PIK3AP1: variants seen among roughly 807,000 people sequenced by gnomAD.
PIK3AP1 encodes the protein phosphoinositide 3-kinase adapter protein 1.
Under a neutral mutation model 88.1 loss-of-function variants are expected in PIK3AP1, and 21 were observed. The observed-to-expected ratio is 0.24, with a 90% CI of 0.17 to 0.34. The LOEUF (loss-of-function observed/expected upper bound fraction) is 0.34, where lower values mean the gene tolerates loss of function less well. PIK3AP1 is among the 10% of genes least tolerant of loss of function. The pLI, the probability that PIK3AP1 is intolerant of heterozygous loss-of-function variation, is 1.00. For synonymous variants in PIK3AP1, 398 were observed against 400.0 expected (o/e 1.00, Z 0.06); for missense variants, 828 against 1,035.7 (o/e 0.80, Z 2.75).
intron 2 of PIK3AP1, among the ~76,000 whole-genome samples, chr10:96,680,839 C>T (rs745579187): frequency 6.6e-6 from 1 of 152,176 alleles, no homozygotes; most frequent in Non-Finnish European, 1.5e-5. Context: ...TGCTGTGCTG[C>T]ACTAGTTCAA....
chr10:96,632,052 A>G (rs1373580359), intron 8 of PIK3AP1, among the ~76,000 whole-genome samples: 1 of 152,202 alleles, frequency 6.6e-6, no homozygotes, highest in Non-Finnish European at 1.5e-5. Context: ...AAAACATCAG[A>G]CAAACTCAAA....
chr10:96,668,484 T>C (rs187619779), intron 2 of PIK3AP1, among the ~76,000 whole-genome samples: 1 of 152,336 alleles, frequency 6.6e-6, no homozygotes, highest in Admixed American at 6.5e-5. Context: ...CATGCTGGAT[T>C]CTTTCTCTAA....
chr10:96,694,109 C>T (rs529144776), intron 2 of PIK3AP1, among the ~76,000 whole-genome samples: 94 of 152,226 alleles, frequency 6.2e-4, no homozygotes, highest in African/African-American at 2.0e-3. Flanking sequence ...ATCAAAGAGG[C>T]CCCCATGATA....
intron 2 of PIK3AP1, among the ~76,000 whole-genome samples, chr10:96,684,785 C>T (rs1040590310): frequency 2.0e-5 from 3 of 152,216 alleles, no homozygotes; most frequent in Non-Finnish European, 4.4e-5. Context: ...TCACCAAGAA[C>T]CATCAGCAAT....
intron 16 of PIK3AP1, 34 bp downstream of exon 16, chr10:96,602,246 T>G (rs772428718): frequency 6.0e-6 from 9 of 1,512,478 alleles, no homozygotes; most frequent in Non-Finnish European, 8.2e-6. Context: ...GATTCAGAGA[T>G]AAGGGAAAAA....
chr10:96,655,673 G>A (rs902615300), intron 3 of PIK3AP1, among the ~76,000 whole-genome samples: 1 of 152,146 alleles, frequency 6.6e-6, no homozygotes, highest in Admixed American at 6.5e-5. Flanking sequence ...TTCCTGTGCT[G>A]TTCTCATGAT....
In PIK3AP1 at chr10:96,627,471, A is replaced by G. The variant is rs1028751014; in HGVS notation, c.1472-566T>C. On this transcript the variant is annotated intron_variant, in intron 9 of 16. Coordinates refer to ENST00000339364, the MANE Select transcript of PIK3AP1 (RefSeq NM_152309.3). ...CATGAAAGCAGCCATATATAATACT[A>G]AATAAACGGTCCTGTTGTGTTCCAA... is the stretch of plus-strand genomic sequence containing the variant. 7.2e-5 allele frequency among the ~76,000 whole-genome samples: 11 copies of G among 152,338 alleles called. No homozygotes were observed. In the East Asian group the frequency reaches 2.1e-3, roughly 29 times the overall value.
At chr10:96,710,545 C>T (rs1426497107) in intron 1 of PIK3AP1, among the ~76,000 whole-genome samples, 1 of 152,052 alleles carries the variant, frequency 6.6e-6, no homozygotes, top group Non-Finnish European at 1.5e-5. Context: ...GATCCTTGCA[C>T]GAGCTATTGC....
chr10:96,610,896 G>T (rs1441990847), intron 13 of PIK3AP1, among the ~76,000 whole-genome samples: 1 of 152,194 alleles, frequency 6.6e-6, no homozygotes. Flanking sequence ...CCCAGGGGCA[G>T]GGTTTATACA....
At chr10:96,642,188 G>A (rs1162256459) in intron 8 of PIK3AP1, among the ~76,000 whole-genome samples, 2 of 152,128 alleles carry the variant, frequency 1.3e-5, no homozygotes, top group African/African-American at 4.8e-5. Flanking sequence ...ACTTTGGGAG[G>A]CCAAAGCAGA....
At chr10:96,600,448 G>T (rs1187560141) in intron 16 of PIK3AP1, among the ~76,000 whole-genome samples, 1 of 152,140 alleles carries the variant, frequency 6.6e-6, no homozygotes, top group Non-Finnish European at 1.5e-5. Flanking sequence ...CAGGGGATGG[G>T]ACTAGATTAC....
chr10:96,686,940 G>A (rs1844076967), intron 2 of PIK3AP1, among the ~76,000 whole-genome samples: 1 of 152,134 alleles, frequency 6.6e-6, no homozygotes, highest in Non-Finnish European at 1.5e-5. Flanking sequence ...TGCCTTGAAC[G>A]CTCCTTTTTC....
At chr10:96,601,511 A>G (rs1448984550) in intron 16 of PIK3AP1, among the ~76,000 whole-genome samples, 1 of 151,130 alleles carries the variant, frequency 6.6e-6, no homozygotes, top group Non-Finnish European at 1.5e-5. Flanking sequence ...GAAATACATG[A>G]AAGTTAAATA....
At chr10:96,613,831 C>T (rs1780938812) in intron 13 of PIK3AP1, among the ~76,000 whole-genome samples, 1 of 152,116 alleles carries the variant, frequency 6.6e-6, no homozygotes, top group Non-Finnish European at 1.5e-5. Flanking sequence ...AGGAATACTC[C>T]CAGGTGCCAG....
intron 15 of PIK3AP1, 109 bp from the exon 16 acceptor site, chr10:96,602,507 G>A: frequency 1.1e-6 from 1 of 912,450 alleles, no homozygotes; most frequent in Non-Finnish European, 1.7e-6. Flanking sequence ...TGGGGCTGAA[G>A]GTTGTTTGCA....
Position 96,656,853 on chromosome 10 carries a change from G to A in PIK3AP1, c.512C>T (p.Thr171Met), listed in dbSNP as rs567912958. The A allele has an allele frequency of 7.9e-5, 127 of 1,614,118 alleles. No individual in the cohort carries two copies. The South Asian group carries it at 1.0e-3, about 13-fold the overall frequency. The change falls in exon 3 of 17, where the codon ACG (threonine) becomes ATG (methionine). Residue 171 changes from threonine (T) to methionine (M), a missense_variant. Physicochemically the swap from Thr to Met is moderately conservative, Grantham distance 81. Around this residue, in one of 3 missense-constraint regions of PIK3AP1, gnomAD observed 610 missense variants for 760.1 expected, o/e 0.80. Coordinates refer to ENST00000339364, the MANE Select transcript of PIK3AP1 (RefSeq NM_152309.3). ...CATCAGGTTCCCAGGTGAAGTCACC[G>A]TCGGCAGGTTCTGCTGCTTCGAGTA... ...VSYSKQQNLP[T>M]VTSPGNLMVV...
intron 4 of PIK3AP1, 74 bp from the exon 5 acceptor site, chr10:96,651,725 C>T: frequency 4.0e-6 from 6 of 1,515,382 alleles, no homozygotes; most frequent in Non-Finnish European, 5.4e-6. Context: ...TGTGGATATA[C>T]ACACTCCATC....
At chr10:96,713,503 TAAAAAA>T (rs566830672) in intron 1 of PIK3AP1, among the ~76,000 whole-genome samples, 5 of 84,930 alleles carry the variant, frequency 5.9e-5, no homozygotes, top group Admixed American at 2.6e-4. Context: ...GACTCCGTCT[TAAAAAA>T]AAAAAAAAAA....
rs1296135119 is a variant in PIK3AP1 at position 96,645,589 on chromosome 10, T to A, written c.1259A>T (p.Glu420Val). The A allele has an allele frequency of 5.0e-6, 8 of 1,613,724 alleles. No individual in the cohort carries two copies. The East Asian group carries it at 1.1e-4, about 22-fold the overall frequency. ...GTCTGTGGAAAGGTGGGCCATGGACTCGTACACAGCATCAGCCTCCTCCCC... is the reference window on the plus strand; with the variant it reads ...GTCTGTGGAAAGGTGGGCCATGGACACGTACACAGCATCAGCCTCCTCCCC... ...MHGEEADAVY[E>V]SMAHLSTDLL... Residue 420 changes from glutamate to valine, a missense_variant, in exon 8 of 17, where the codon GAG becomes GTG. Coordinates refer to ENST00000339364, the MANE Select transcript of PIK3AP1 (RefSeq NM_152309.3).
Sources: allele counts gnomAD v4.1 joint callset (sites outside exome capture counted in the v4.1 genomes callset), GRCh38; gene constraint gnomAD v4.1.1; regional missense constraint gnomAD v4.1.1; transcripts MANE v1.5; gene names NCBI Gene and HGNC (gene_info 2026-07-23, HGNC 2026-07-21).